Variants in GRIK2 observed in about 807,000 individuals in gnomAD.
The protein encoded by GRIK2 is glutamate receptor ionotropic, kainate 2.
A neutral mutation model predicts 100.3 loss-of-function variants in GRIK2; 32 were observed. The ratio of observed to expected loss-of-function variants is 0.32; its 90% confidence interval spans 0.24 to 0.43. GRIK2 has a LOEUF of 0.43. Ranked by LOEUF, GRIK2 falls within the 20% of genes least tolerant of loss-of-function variation. GRIK2 has a pLI of 1.00. For synonymous variants in GRIK2, 417 were observed against 389.4 expected (o/e 1.07, Z -0.83); for missense variants, 843 against 1,114.9 (o/e 0.76, Z 3.47).
At chr6:102,042,373 C>T (rs1246204033) in intron 15 of GRIK2, among the ~76,000 whole-genome samples, 1 of 151,498 alleles carries the variant, frequency 6.6e-6, no homozygotes, top group East Asian at 1.9e-4. Context: ...AAACATAAAT[C>T]ATCTTTCTTT....
At chr6:101,428,306 T>TA (rs771294947) in intron 2 of GRIK2, among the ~76,000 whole-genome samples, 15 of 152,340 alleles carry the variant, frequency 9.8e-5, no homozygotes, top group Non-Finnish European at 2.1e-4. Context: ...ATGCAGTTTT[T>TA]AAAAATGCTG....
chr6:101,399,860 C>A (rs1468922271), intron 2 of GRIK2, among the ~76,000 whole-genome samples: 1 of 152,228 alleles, frequency 6.6e-6, no homozygotes, highest in Admixed American at 6.5e-5. Context: ...GCAGTTCTCA[C>A]GTGCAAATGA....
chr6:102,028,725 C>CT (rs1562122711), intron 14 of GRIK2, among the ~76,000 whole-genome samples: 1 of 135,558 alleles, frequency 7.4e-6, no homozygotes, highest in Non-Finnish European at 1.7e-5. Flanking sequence ...ATTAAGAAAT[C>CT]GTTTTTTTTA....
At chr6:102,047,511 AG>A (rs1770955865) in intron 15 of GRIK2, among the ~76,000 whole-genome samples, 1 of 152,068 alleles carries the variant, frequency 6.6e-6, no homozygotes, top group Non-Finnish European at 1.5e-5. Flanking sequence ...GTACTTTGGG[AG>A]GCCGAGCTGG....
intron 14 of GRIK2, among the ~76,000 whole-genome samples, chr6:101,953,608 C>T (rs1482612140): frequency 6.6e-6 from 1 of 152,032 alleles, no homozygotes; most frequent in African/African-American, 2.4e-5. Flanking sequence ...ATTAGGTTGT[C>T]TTTTTATCAT....
intron 10 of GRIK2, among the ~76,000 whole-genome samples, chr6:101,857,788 T>C (rs929971532): frequency 6.6e-6 from 1 of 152,232 alleles, no homozygotes; most frequent in African/African-American, 2.4e-5. Context: ...TTTTTGCACT[T>C]AGTTAAACAT....
At chr6:102,043,573 G>T (rs867980466) in intron 15 of GRIK2, among the ~76,000 whole-genome samples, 1 of 151,662 alleles carries the variant, frequency 6.6e-6, no homozygotes, top group Admixed American at 6.6e-5. Flanking sequence ...CTAGGTTGTC[G>T]CAAATGACAG....
intron 5 of GRIK2, among the ~76,000 whole-genome samples, chr6:101,679,908 T>G (rs1322923955): frequency 6.6e-6 from 1 of 152,100 alleles, no homozygotes; most frequent in African/African-American, 2.4e-5. Context: ...CCAGCGTATT[T>G]TTTGTATTTT....
rs7743987 is a variant in GRIK2, at chr6:101,975,813, A to G, written c.2085+47181A>G. On this transcript the variant is annotated intron_variant, in intron 14 of 16. Coordinates refer to ENST00000369134, the MANE Select transcript of GRIK2 (RefSeq NM_021956.5). ...TGTCTGTCTATCTATCTATCTGTCT[A>G]TCTATCTATCTATCTATCTATCTAT... Among the ~76,000 whole-genome samples, 632 of 109,830 alleles carry G rather than the reference A, an allele frequency of 5.8e-3. 5 individuals are homozygous for G. Among genetic ancestry groups the G allele is most frequent in the Middle Eastern group, 0.01 (2 of 194 alleles). 72.1% of individuals were successfully genotyped at this position (109,830 alleles called of 152,430 possible).
At chr6:102,030,229 T>C (rs1039412121) in intron 14 of GRIK2, among the ~76,000 whole-genome samples, 7 of 151,154 alleles carry the variant, frequency 4.6e-5, no homozygotes, top group African/African-American at 1.2e-4. Context: ...AAAGGAACTT[T>C]GCATTATTGA....
chr6:101,630,677 C>G (rs1295848996), intron 4 of GRIK2, among the ~76,000 whole-genome samples: 1 of 151,840 alleles, frequency 6.6e-6, no homozygotes, highest in Non-Finnish European at 1.5e-5. Flanking sequence ...TAGAATTCAG[C>G]AAAGAGAATT....
At chr6:101,677,952 T>C (rs560756888) in intron 5 of GRIK2, among the ~76,000 whole-genome samples, 38 of 152,310 alleles carry the variant, frequency 2.5e-4, no homozygotes, top group African/African-American at 8.7e-4. Flanking sequence ...TAATGAAGCA[T>C]ATGAGAGTTT....
intron 13 of GRIK2, chr6:101,927,307 TG>T (rs1375431914): frequency 7.7e-5 from 56 of 728,676 alleles, no homozygotes; most frequent in African/African-American, 9.6e-5. Context: ...GTTACCTTAC[TG>T]CATCAGAGAT....
chr6:101,713,218 C>T (rs1773835760), intron 7 of GRIK2, among the ~76,000 whole-genome samples: 1 of 151,682 alleles, frequency 6.6e-6, no homozygotes, highest in Non-Finnish European at 1.5e-5. Flanking sequence ...CATTAATAAA[C>T]TTAGAGGCAT....
chr6:101,504,651 G>A (rs548236040), intron 2 of GRIK2, among the ~76,000 whole-genome samples: 1 of 151,860 alleles, frequency 6.6e-6, no homozygotes, highest in Non-Finnish European at 1.5e-5. Context: ...ATTTAGTAAT[G>A]GAACCTTTAG....
chr6:101,573,595 C>A (rs911020544), intron 2 of GRIK2, among the ~76,000 whole-genome samples: 4 of 152,138 alleles, frequency 2.6e-5, no homozygotes, highest in Non-Finnish European at 5.9e-5. Flanking sequence ...ATTTCTAAAT[C>A]TCTGGGGCTC....
intron 2 of GRIK2, among the ~76,000 whole-genome samples, chr6:101,588,032 T>G (rs751317642): frequency 6.6e-6 from 1 of 152,014 alleles, no homozygotes; most frequent in Non-Finnish European, 1.5e-5. Context: ...ACAAGAGGAA[T>G]AAGAGGGTAT....
intron 2 of GRIK2, among the ~76,000 whole-genome samples, chr6:101,531,399 A>T (rs1775436570): frequency 6.6e-6 from 1 of 152,030 alleles, no homozygotes; most frequent in African/African-American, 2.4e-5. Context: ...ATAGGCGCTC[A>T]AAATTGTTTA....
chr6:101,987,785 CAT>C (rs1794102039), intron 14 of GRIK2, among the ~76,000 whole-genome samples: 2 of 151,254 alleles, frequency 1.3e-5, no homozygotes, highest in African/African-American at 4.8e-5. Context: ...AGGTAATCAA[CAT>C]AAATACAATT....
Sources: allele counts gnomAD v4.1 joint callset (sites outside exome capture counted in the v4.1 genomes callset), GRCh38; gene constraint gnomAD v4.1.1; transcripts MANE v1.5; gene names NCBI Gene and HGNC (gene_info 2026-07-23, HGNC 2026-07-21).